RBM42: variants seen among roughly 807,000 people sequenced by gnomAD.
The protein encoded by RBM42 is RNA-binding protein 42.
RBM42 carries 21 observed loss-of-function variants against 41.4 expected under a neutral mutation model. That is an observed-to-expected ratio of 0.51 (90% CI 0.36 to 0.73). The LOEUF is 0.73. Among genes scored for constraint, RBM42 ranks in the 30% least tolerant of loss-of-function variants. The pLI, the probability that RBM42 is intolerant of heterozygous loss-of-function variation, is 0.00. For missense variants in RBM42, 539 were observed against 680.4 expected, an observed-to-expected ratio of 0.79 and a Z score of 2.31; for synonymous variants, 272 against 271.2, an observed-to-expected ratio of 1.00 and a Z score of -0.03.
At chr19:35,633,655 CG>C in intron 6 of RBM42, 31 bp from the exon 7 acceptor site, 1 of 1,397,788 alleles carries the variant, frequency 7.2e-7, no homozygotes, top group Non-Finnish European at 9.3e-7. Flanking sequence ...GCCTGTGAGC[CG>C]GCCCCCCTCA....
intron 4 of RBM42, among the ~76,000 whole-genome samples, chr19:35,632,520 C>T (rs910521292): frequency 3.9e-5 from 6 of 152,214 alleles, no homozygotes; most frequent in Non-Finnish European, 8.8e-5. Context: ...GCTCACAGGT[C>T]CCTTTCTCCA....
Position 35,637,086 on chromosome 19 carries a change from G to A in RBM42, c.1136-72G>A, listed in dbSNP as rs1216799446. 6 of 1,399,096 alleles carry A rather than the reference G, an allele frequency of 4.3e-6. No homozygotes were observed. The highest frequency in any genetic ancestry group is 5.9e-6 in the Non-Finnish European group (6 of 1,021,816). 86.7% of individuals were successfully genotyped at this position (1,399,096 alleles called of 1,614,324 possible). ...GAGACTAGATACCTCCGAAAAGGTG[G>A]GATCGTTCAGACAAGGTAGACACTG... On this transcript the variant is annotated intron_variant, in intron 8 of 9. Coordinates refer to ENST00000262633, the MANE Select transcript of RBM42 (RefSeq NM_024321.5). The surrounding 1 kb of genome is among the most constrained non-coding windows in gnomAD (Gnocchi z 7.0).
At chr19:35,635,314 CAAA>C (rs80100096) in intron 8 of RBM42, among the ~76,000 whole-genome samples, 2 of 71,650 alleles carry the variant, frequency 2.8e-5, no homozygotes. Context: ...GACTCCATCT[CAAA>C]AAAAAAAAAA....
In RBM42 at chr19:35,633,194, C is replaced by A; in HGVS notation, c.626C>A (p.Pro209Gln). ...GPPGPPMMLP[P>Q]MARAPGPPLG... ...CCTGGACCACCCATGATGCTGCCACCAATGGCTCGGGCTCCAGGGCCCCCG... is the reference window on the plus strand; with the variant it reads ...CCTGGACCACCCATGATGCTGCCACAAATGGCTCGGGCTCCAGGGCCCCCG... The change falls in exon 6 of 10, where the codon CCA becomes CAA. Residue 209 changes from proline to glutamine, a missense_variant. Physicochemically the swap from Pro to Gln is moderately conservative, Grantham distance 76. Transcript: ENST00000262633. The A allele has an allele frequency of 6.2e-7, 1 of 1,612,528 alleles. No homozygotes were observed. Among genetic ancestry groups the A allele is most frequent in the East Asian group, 2.2e-5 (1 of 44,870 alleles).
At position 35,637,590 on chromosome 19, in the gene RBM42, G is replaced by A; in HGVS notation, c.*36G>A. ...CAGGCACCCGCTCCCACCTGGCCGG[G>A]CGCTGGCTCCTCCCTCAGTTCTCTT... is the stretch of plus-strand genomic sequence containing the variant. On this transcript the variant is annotated 3_prime_UTR_variant, in exon 10 of 10. Coordinates refer to ENST00000262633, the MANE Select transcript of RBM42 (RefSeq NM_024321.5). This position sits in a 1 kb window ranked among gnomAD's most constrained non-coding sequence, Gnocchi z 7.0. 6.5e-7 allele frequency: 1 copy of A among 1,534,868 alleles called. No homozygotes were observed. Among genetic ancestry groups the A allele is most frequent in the South Asian group, 1.1e-5 (1 of 88,628 alleles).
chr19:35,633,821 C>G lies in RBM42; in HGVS notation c.819C>G (p.Ala273=), dbSNP rs909568300. The G allele has an allele frequency of 4.0e-6, 6 of 1,517,452 alleles. No individual in the cohort carries two copies. In the African/African-American group the frequency reaches 8.4e-5, roughly 21 times the overall value. The allele number at this position is 1,517,452 out of a possible 1,614,324, so 94.0% of individuals were successfully genotyped here. ...SAAVAVGAGG[A]PAGPAVIGPS... is the part of the protein sequence containing the mutation. ...CTGTGGCCGTGGGGGCAGGAGGTGC[C>G]CCAGCTGGCCCTGCAGTCATTGGGC... The change falls in exon 7 of 10, where the codon GCC becomes GCG. Residue 273 remains alanine (A), a synonymous_variant. Transcript: ENST00000262633.
rs368870529 is a variant in RBM42 at position 35,634,032 on chromosome 19, C to T, written c.1017+13C>T. On this transcript the variant is annotated intron_variant, in intron 7 of 9. Coordinates refer to ENST00000262633, the MANE Select transcript of RBM42 (RefSeq NM_024321.5). Reference sequence around the variant, plus strand: ...CATGGCTCTTGAGGTAAGCAGGGAGCCTAGCGGTGAAGGGACAGAAGGGAC... The same window carrying T: ...CATGGCTCTTGAGGTAAGCAGGGAGTCTAGCGGTGAAGGGACAGAAGGGAC... 2 of 1,485,404 alleles carry T rather than the reference C, an allele frequency of 1.3e-6. No individual in the cohort carries two copies. 92.0% of individuals were successfully genotyped at this position (1,485,404 alleles called of 1,614,324 possible). A position where few individuals can be genotyped will look rare whatever the true frequency, so the allele number is the denominator to read the frequency against.
In RBM42 at chr19:35,629,091, A is replaced by G. The variant is rs547621000; in HGVS notation, c.-63A>G. ...ACCCGGACGAAGGGGGAGAGTAGAC[A>G]GCAGAACCAGCGGCGGCGGCTAAGC... On this transcript the variant is annotated 5_prime_UTR_variant, in exon 1 of 10. Transcript: ENST00000262633. 47 of 1,477,712 alleles carry G rather than the reference A, an allele frequency of 3.2e-5. 2 individuals are homozygous for G. The South Asian group carries it at 6.1e-4, about 19-fold the overall frequency. The allele number at this position is 1,477,712 out of a possible 1,614,324, so 91.5% of individuals were successfully genotyped here.
At position 35,629,220 on chromosome 19, in the gene RBM42, G is replaced by T. The variant is rs1159540785; in HGVS notation, c.67G>T (p.Ala23Ser). 6.5e-7 allele frequency: 1 copy of T among 1,538,066 alleles called. No homozygotes were observed. Among genetic ancestry groups the T allele is most frequent in the Non-Finnish European group, 8.7e-7 (1 of 1,144,980 alleles). Residue 23 changes from alanine (A) to serine (S), a missense_variant, in exon 1 of 10, where the codon GCT becomes TCT. This residue lies in a region of RBM42 where 429 missense variants were observed against 488.9 expected (regional missense o/e 0.88). Transcript: ENST00000262633. Reference protein sequence around the residue: ...AGGPVVPGPGAGIPGKSGEER... With the variant: ...AGGPVVPGPGSGIPGKSGEER... ...AGGACCCGTGGTCCCGGGTCCTGGC[G>T]CTGGCATCCCGGGCAAAAGCGGCGA...
Position 35,637,322 on chromosome 19 carries a change from G to A in RBM42, c.1300G>A (p.Asp434Asn). 1.2e-6 allele frequency: 2 copies of A among 1,614,228 alleles called. No individual in the cohort carries two copies. Among genetic ancestry groups the A allele is most frequent in the Admixed American group, 1.7e-5 (1 of 60,032 alleles). Residue 434 changes from aspartate (D) to asparagine (N), a missense_variant, in exon 9 of 10, where the codon GAC becomes AAC. This residue lies in a region of RBM42 where 110 missense variants were observed against 191.5 expected (regional missense o/e 0.57). Coordinates refer to ENST00000262633, the MANE Select transcript of RBM42 (RefSeq NM_024321.5). The surrounding 1 kb of genome is among the most constrained non-coding windows in gnomAD (Gnocchi z 7.0). ...YGFVSFKDPS[D>N]YVRAMREMNG... ...CTTCGTCAGCTTCAAGGACCCCAGC[G>A]ACTACGTGCGCGCCATGCGTGAGAT...
rs372553846 is a variant in RBM42 at position 35,633,881 on chromosome 19, C to G, written c.879C>G (p.Pro293=). The G allele has an allele frequency of 6.3e-7, 1 of 1,593,830 alleles. No homozygotes were observed. The highest frequency in any genetic ancestry group is 1.1e-5 in the South Asian group (1 of 89,244). Residue 293 remains proline, a synonymous_variant, in exon 7 of 10, where the codon CCC becomes CCG. Transcript: ENST00000262633. ...CGCTGGCCCTGGCCATGCCATTGCC[C>G]GAGCCTGAGCCCCTGCCCCTCCCGT... ...SLPLALAMPL[P]EPEPLPLPLE... is the part of the protein sequence containing the mutation.
intron 4 of RBM42, among the ~76,000 whole-genome samples, chr19:35,632,151 T>C (rs180908921): frequency 3.3e-5 from 5 of 152,372 alleles, no homozygotes; most frequent in African/African-American, 4.8e-5. Context: ...AATCCTGTTA[T>C]ACTTATTAAT....
chr19:35,634,327 G>A lies in RBM42; in HGVS notation c.1089G>A (p.Ala363=), dbSNP rs371648571. ...AATTGAAACGGTGCATTCGCACAGC[G>A]GCAGGGAGCAGCTGGGAGGACCCCA... ...PEKLKRCIRT[A]AGSSWEDPSL... is the part of the protein sequence containing the mutation. The change falls in exon 8 of 10, where the codon GCG becomes GCA. Residue 363 remains alanine, a synonymous_variant. Coordinates refer to ENST00000262633, the MANE Select transcript of RBM42 (RefSeq NM_024321.5). The A allele has an allele frequency of 1.2e-5, 19 of 1,614,032 alleles. No individual in the cohort carries two copies. The South Asian group carries it at 1.5e-4, about 13-fold the overall frequency.
chr19:35,633,611 T>C (rs1967444011), intron 6 of RBM42, 76 bp from the exon 7 acceptor site: 4 of 1,344,392 alleles, frequency 3.0e-6, no homozygotes, highest in African/African-American at 1.5e-5. Flanking sequence ...GCCCTTTCTT[T>C]GTTGGATGGA....
Position 35,633,233 on chromosome 19 carries a change from C to A in RBM42, c.665C>A (p.Ala222Asp). ...CCAGGGCCCCCGCTGGGCTCCATGG[C>A]TGCACTGAGGCCCCCTCTGGTGAGT... ...RAPGPPLGSMAALRPPLEEPA... is the reference protein window; with the variant it reads ...RAPGPPLGSMDALRPPLEEPA... Residue 222 changes from alanine to aspartate, a missense_variant, in exon 6 of 10, where the codon GCT becomes GAT. This residue lies in a region of RBM42 where 429 missense variants were observed against 488.9 expected (regional missense o/e 0.88). Coordinates refer to ENST00000262633, the MANE Select transcript of RBM42 (RefSeq NM_024321.5). 6.3e-7 allele frequency: 1 copy of A among 1,595,974 alleles called. No individual in the cohort carries two copies. The highest frequency in any genetic ancestry group is 1.8e-5 in the Admixed American group (1 of 56,822).
chr19:35,632,288 A>G (rs1042120688), intron 4 of RBM42, among the ~76,000 whole-genome samples: 20 of 151,982 alleles, frequency 1.3e-4, no homozygotes, highest in Non-Finnish European at 2.4e-4. Context: ...CCTCAGGAGG[A>G]CACCCATGGC....
Position 35,633,900 on chromosome 19 carries a change from C to G in RBM42, c.898C>G (p.Leu300Val). The change falls in exon 7 of 10, where the codon CTC becomes GTC. Residue 300 changes from leucine (L) to valine (V), a missense_variant. Leu to Val is a conservative substitution (Grantham distance 32). Coordinates refer to ENST00000262633, the MANE Select transcript of RBM42 (RefSeq NM_024321.5). ...MPLPEPEPLP[L>V]PLEVVRGLLP... The stretch of plus-strand genomic sequence containing the variant: ...ATTGCCCGAGCCTGAGCCCCTGCCC[C>G]TCCCGTTGGAGGTCGTCCGCGGCCT... The G allele has an allele frequency of 6.3e-7, 1 of 1,595,698 alleles. No homozygotes were observed. Among genetic ancestry groups the G allele is most frequent in the Non-Finnish European group, 8.5e-7 (1 of 1,175,080 alleles).
intron 6 of RBM42, 96 bp from the exon 7 acceptor site, chr19:35,633,591 T>G (rs1386371202): frequency 1.6e-6 from 2 of 1,225,996 alleles, no homozygotes; most frequent in Non-Finnish European, 2.1e-6. Flanking sequence ...GGCTGCTCTC[T>G]GGCCCCCAGG....
chr19:35,634,527 G>C (rs1391314356), intron 8 of RBM42, among the ~76,000 whole-genome samples, 154 bp downstream of exon 8: 1 of 152,152 alleles, frequency 6.6e-6, no homozygotes, highest in African/African-American at 2.4e-5. Flanking sequence ...TCAGGGGCTG[G>C]TTCTTCACCT....
Sources: allele counts gnomAD v4.1 joint callset (sites outside exome capture counted in the v4.1 genomes callset), GRCh38; gene constraint gnomAD v4.1.1; regional missense constraint gnomAD v4.1.1; non-coding constraint Gnocchi (gnomAD v3.1); transcripts MANE v1.5; gene names NCBI Gene and HGNC (gene_info 2026-07-23, HGNC 2026-07-21).